ITPK1: variants seen among roughly 807,000 people sequenced by gnomAD.
ITPK1 encodes the protein inositol-tetrakisphosphate 1-kinase.
Under a neutral mutation model 45.3 loss-of-function variants are expected in ITPK1, and 21 were observed. That is an observed-to-expected ratio of 0.46 (90% CI 0.33 to 0.67). ITPK1 has a LOEUF of 0.67. Among genes scored for constraint, ITPK1 ranks in the 30% least tolerant of loss-of-function variants. The pLI, the probability that ITPK1 is intolerant of heterozygous loss-of-function variation, is 0.02. For synonymous variants in ITPK1, 258 were observed against 253.6 expected, an observed-to-expected ratio of 1.02 and a Z score of -0.16; for missense variants, 474 against 573.5, an observed-to-expected ratio of 0.83 and a Z score of 1.77.
intron 2 of ITPK1, among the ~76,000 whole-genome samples, chr14:93,088,587 A>G (rs1476090912): frequency 1.3e-5 from 2 of 151,868 alleles, no homozygotes; most frequent in African/African-American, 2.4e-5. Flanking sequence ...AACTCCCAAC[A>G]TCAAGTGATC....
chr14:93,101,160 C>T (rs2140023041), intron 2 of ITPK1, among the ~76,000 whole-genome samples: 1 of 152,342 alleles, frequency 6.6e-6, no homozygotes, highest in South Asian at 2.1e-4. Flanking sequence ...CTTCACACTC[C>T]TAGAGGTTCC....
chr14:93,066,332 GTGTGTGTGTA>G (rs759616684), intron 3 of ITPK1: 20 of 444,494 alleles, frequency 4.5e-5, no homozygotes, highest in Admixed American at 9.6e-5. Context: ...GTGTGTGTGT[GTGTGTGTGTA>G]GGGGGCAGAG....
intron 3 of ITPK1, among the ~76,000 whole-genome samples, chr14:93,047,763 T>C (rs1389821803): frequency 6.6e-6 from 1 of 152,200 alleles, no homozygotes; most frequent in African/African-American, 2.4e-5. Context: ...CAGGCAAATA[T>C]GATATGTATG....
Position 93,016,057 on chromosome 14 carries a change from A to G in ITPK1, c.246+619T>C, listed in dbSNP as rs902413729. ...AGAGGACAGAATCACGTTCTTGTCC[A>G]CAACAGAGAGAACACAGGACAAGTC... is the stretch of plus-strand genomic sequence containing the variant. On this transcript the variant is annotated intron_variant, in intron 4 of 10. Transcript: ENST00000267615. The surrounding 1 kb of genome is among the most constrained non-coding windows in gnomAD (Gnocchi z 5.0). 1.3e-5 allele frequency among the ~76,000 whole-genome samples: 2 copies of G among 152,206 alleles called. No homozygotes were observed. The highest frequency in any genetic ancestry group is 4.8e-5 in the African/African-American group (2 of 41,438).
At chr14:93,103,294 T>C (rs1301537800) in intron 2 of ITPK1, among the ~76,000 whole-genome samples, 1 of 149,952 alleles carries the variant, frequency 6.7e-6, no homozygotes, top group Non-Finnish European at 1.5e-5. Context: ...TGGCGCGTGC[T>C]TGTAATCCCA....
intron 4 of ITPK1, among the ~76,000 whole-genome samples, chr14:93,000,212 T>C (rs372045182): frequency 2.0e-5 from 3 of 152,206 alleles, no homozygotes; most frequent in Admixed American, 2.0e-4. Flanking sequence ...TGAACATACG[T>C]GTATAAATTT....
chr14:93,099,677 C>A (rs925497803), intron 2 of ITPK1, among the ~76,000 whole-genome samples: 1 of 152,220 alleles, frequency 6.6e-6, no homozygotes, highest in African/African-American at 2.4e-5. Context: ...CAGGAAGCCG[C>A]TTCGGGGCTG....
chr14:93,103,419 CA>C (rs199903474), intron 2 of ITPK1, among the ~76,000 whole-genome samples: 16 of 148,844 alleles, frequency 1.1e-4, no homozygotes, highest in South Asian at 6.4e-4. Context: ...GTCTCCATCT[CA>C]AAAAAAAAAT....
At chr14:93,044,280 G>A (rs1889686691) in intron 3 of ITPK1, among the ~76,000 whole-genome samples, 1 of 152,222 alleles carries the variant, frequency 6.6e-6, no homozygotes, top group Non-Finnish European at 1.5e-5. Context: ...ATTCCTGTGT[G>A]GGCCAAACAG....
intron 4 of ITPK1, among the ~76,000 whole-genome samples, chr14:93,005,044 C>T (rs1419176810): frequency 6.6e-6 from 1 of 152,046 alleles, no homozygotes; most frequent in Non-Finnish European, 1.5e-5. Flanking sequence ...TTGGACTTGA[C>T]CCTAAAGCAA....
In ITPK1 at chr14:93,034,597, C is replaced by T. The variant is rs940125387; in HGVS notation, c.121-17796G>A. Among the ~76,000 whole-genome samples the T allele has an allele frequency of 6.6e-6, 1 of 152,134 alleles. No homozygotes were observed. The highest frequency in any genetic ancestry group is 2.4e-5 in the African/African-American group (1 of 41,438). ...AGGCCAGCCTGAGCTGCCTGGGGGCCCCTGGGACCTCCCACATCCTGCATG... is the reference window on the plus strand; with the variant it reads ...AGGCCAGCCTGAGCTGCCTGGGGGCTCCTGGGACCTCCCACATCCTGCATG... On this transcript the variant is annotated intron_variant, in intron 3 of 10. Transcript: ENST00000267615. This position sits in a 1 kb window ranked among gnomAD's most constrained non-coding sequence, Gnocchi z 4.1.
chr14:92,988,567 C>T (rs1368838288), intron 5 of ITPK1, among the ~76,000 whole-genome samples: 1 of 152,214 alleles, frequency 6.6e-6, no homozygotes, highest in Non-Finnish European at 1.5e-5. Context: ...GCAGGACTCA[C>T]CTGCAGGCGC....
At chr14:92,993,852 AC>A in intron 5 of ITPK1, 27 bp downstream of exon 5, 1 of 1,451,472 alleles carries the variant, frequency 6.9e-7, no homozygotes, top group Non-Finnish European at 9.7e-7. Context: ...GCTGCCTGCC[AC>A]GGATGTGGTG....
intron 5 of ITPK1, among the ~76,000 whole-genome samples, chr14:92,980,257 G>C (rs1886156285): frequency 6.6e-6 from 1 of 152,216 alleles, no homozygotes; most frequent in Non-Finnish European, 1.5e-5. Flanking sequence ...AAAACACAAA[G>C]AGAACACCAC....
chr14:93,112,902 C>A (rs908659318), intron 2 of ITPK1, among the ~76,000 whole-genome samples: 9 of 152,136 alleles, frequency 5.9e-5, no homozygotes, highest in Non-Finnish European at 1.0e-4. Flanking sequence ...TCTCATTGGC[C>A]CTCACACCAA....
chr14:93,100,887 G>A (rs143887867), intron 2 of ITPK1, among the ~76,000 whole-genome samples: 257 of 152,302 alleles, frequency 1.7e-3, no homozygotes, highest in African/African-American at 6.0e-3. Context: ...CACTCCATAG[G>A]TCTCACTGTC....
At position 92,938,504 on chromosome 14, in the gene ITPK1, TA is replaced by T; in HGVS notation, c.*3056del. The T allele has an allele frequency of 6.2e-7, 1 of 1,613,628 alleles. No individual in the cohort carries two copies. The highest frequency in any genetic ancestry group is 2.2e-5 in the East Asian group (1 of 44,894). ...TACTTCAGTCGGTCTTCCAGCCTTC[TA>T]TAAAGCACACTTGGCAGTCCCCTGG... is the stretch of plus-strand genomic sequence containing the variant. On this transcript the variant is annotated 3_prime_UTR_variant, in exon 11 of 11. Coordinates refer to ENST00000267615, the MANE Select transcript of ITPK1 (RefSeq NM_014216.6).
At chr14:93,097,351 A>G (rs913995735) in intron 2 of ITPK1, among the ~76,000 whole-genome samples, 1 of 152,226 alleles carries the variant, frequency 6.6e-6, no homozygotes, top group Admixed American at 6.5e-5. Context: ...GGCCTTGGAA[A>G]CATCCACTGT....
Position 93,034,393 on chromosome 14 carries a change from C to G in ITPK1, c.121-17592G>C, listed in dbSNP as rs75397062. On this transcript the variant is annotated intron_variant, in intron 3 of 10. Transcript: ENST00000267615. This position sits in a 1 kb window ranked among gnomAD's most constrained non-coding sequence, Gnocchi z 4.1. ...TCTCTTGATTCTGACCCAGAAAACT[C>G]TTCTGGGGGCCCTACAGGCCTCCTC... is the stretch of plus-strand genomic sequence containing the variant. Among the ~76,000 whole-genome samples the G allele has an allele frequency of 0.027, 4,172 of 152,318 alleles. 97 individuals carry two copies. Among genetic ancestry groups the G allele is most frequent in the Admixed American group, 0.085 (1,300 of 15,304 alleles).
Sources: gnomAD v4.1 joint callset for allele counts (sites outside exome capture counted in the v4.1 genomes callset) on GRCh38, gnomAD v4.1.1 for gene constraint, Gnocchi (gnomAD v3.1) non-coding constraint, MANE v1.5 for transcripts, NCBI Gene and HGNC (gene_info 2026-07-23, HGNC 2026-07-21) for gene names.